ADAP2: variants seen among roughly 807,000 people sequenced by gnomAD.
ADAP2 encodes ArfGAP with dual PH domains 2.
Under a neutral mutation model 54.9 loss-of-function variants are expected in ADAP2, and 42 were observed. The observed-to-expected ratio is 0.77, with a 90% CI of 0.60 to 0.99. The LOEUF (loss-of-function observed/expected upper bound fraction) is 0.99, where lower values mean the gene tolerates loss of function less well. Among genes scored for constraint, ADAP2 ranks in the 50% least tolerant of loss-of-function variants. The probability of loss-of-function intolerance (pLI) is 0.00; values close to 1 mark genes in which losing one functional copy is unlikely to be tolerated. For missense variants in ADAP2, 429 were observed against 480.4 expected (o/e 0.89, Z 1.00); for synonymous variants, 177 against 180.1 (o/e 0.98, Z 0.14).
intron 5 of ADAP2, among the ~76,000 whole-genome samples, chr17:30,943,135 G>A (rs1912391586): frequency 1.3e-5 from 2 of 152,364 alleles, no homozygotes; most frequent in South Asian, 4.1e-4. Flanking sequence ...GAAGGCAGAG[G>A]CCGGCGGATC....
At chr17:30,945,894 C>T (rs957247733) in intron 6 of ADAP2, among the ~76,000 whole-genome samples, 2 of 151,296 alleles carry the variant, frequency 1.3e-5, no homozygotes, top group African/African-American at 4.9e-5. Flanking sequence ...TGGCTCACGC[C>T]TGTAATCCCA....
chr17:30,934,757 A>C (rs565191087), intron 5 of ADAP2, among the ~76,000 whole-genome samples: 68 of 152,332 alleles, frequency 4.5e-4, no homozygotes, highest in Admixed American at 1.3e-3. Flanking sequence ...GTGGCTGCGC[A>C]CAGTAGCTCA....
Position 30,926,899 on chromosome 17 carries a change from C to T in ADAP2, c.298C>T (p.Pro100Ser). The T allele has an allele frequency of 6.2e-7, 1 of 1,614,074 alleles. No individual in the cohort carries two copies. Among genetic ancestry groups the T allele is most frequent in the Non-Finnish European group, 8.5e-7 (1 of 1,179,938 alleles). ...CAGAGTCCCAGCTTTCTACTACATCCCCCAGGCCAACGACTGCCTGTGAGT... is the reference window on the plus strand; with the variant it reads ...CAGAGTCCCAGCTTTCTACTACATCTCCCAGGCCAACGACTGCCTGTGAGT... ...EARVPAFYYI[P>S]QANDCLVLKE... The change falls in exon 3 of 11, where the codon CCC becomes TCC. Residue 100 changes from proline (P) to serine (S), a missense_variant. Transcript: ENST00000330889.
chr17:30,928,520 T>C (rs925450555), intron 3 of ADAP2, among the ~76,000 whole-genome samples: 10 of 152,160 alleles, frequency 6.6e-5, no homozygotes, highest in African/African-American at 2.4e-4. Context: ...ATTATTGAGC[T>C]TTGCTTAAGT....
intron 5 of ADAP2, among the ~76,000 whole-genome samples, chr17:30,939,806 G>A (rs564780680): frequency 1.3e-5 from 2 of 149,858 alleles, no homozygotes; most frequent in African/African-American, 4.9e-5. Context: ...GGACAAATGA[G>A]ATTAAAATTA....
At chr17:30,956,641 A>C in intron 10 of ADAP2, 172 bp downstream of exon 10, 1 of 708,112 alleles carries the variant, frequency 1.4e-6, no homozygotes, top group Non-Finnish European at 2.3e-6. Context: ...ATTATTGCCA[A>C]AAGGTCTCCT....
intron 9 of ADAP2, among the ~76,000 whole-genome samples, chr17:30,955,113 A>AT (rs113617171): frequency 1.1e-3 from 155 of 145,342 alleles, no homozygotes; most frequent in Middle Eastern, 3.5e-3. Flanking sequence ...GGTATCACTT[A>AT]TTTTTTTTTT....
In ADAP2 at chr17:30,957,850, G is replaced by A. The variant is rs1598062852; in HGVS notation, c.1127G>A (p.Ser376Asn). 1 of 1,613,558 alleles carries A rather than the reference G, an allele frequency of 6.2e-7. No individual in the cohort carries two copies. Among genetic ancestry groups the A allele is most frequent in the Non-Finnish European group, 8.5e-7 (1 of 1,179,812 alleles). ...TCCCTTGCAGCTGCATCAACAGAGAGTGGCCGCAGCAGCAGGTGACCCATT... is the reference window on the plus strand; with the variant it reads ...TCCCTTGCAGCTGCATCAACAGAGAATGGCCGCAGCAGCAGGTGACCCATT... ...PLNRLTASTE[S>N]GRSSR Residue 376 changes from serine (S) to asparagine (N), a missense_variant, in exon 11 of 11, where the codon AGT becomes AAT. Ser to Asn is a conservative substitution (Grantham distance 46). Coordinates refer to ENST00000330889, the MANE Select transcript of ADAP2 (RefSeq NM_018404.3).
intron 4 of ADAP2, among the ~76,000 whole-genome samples, chr17:30,932,568 T>TTTCTTC (rs764920631): frequency 1.3e-5 from 2 of 150,896 alleles, no homozygotes; most frequent in Non-Finnish European, 3.0e-5. Flanking sequence ...TCTTTTTCTT[T>TTTCTTC]TTCTTCTTCT....
At chr17:30,948,571 A>G (rs1454052202) in intron 6 of ADAP2, among the ~76,000 whole-genome samples, 1 of 151,386 alleles carries the variant, frequency 6.6e-6, no homozygotes, top group East Asian at 1.9e-4. Flanking sequence ...GACTCCATCT[A>G]AAAAAAAATA....
At chr17:30,943,876 TAAATA>T (rs1452998517) in intron 5 of ADAP2, among the ~76,000 whole-genome samples, 1 of 145,456 alleles carries the variant, frequency 6.9e-6, no homozygotes, top group Non-Finnish European at 1.5e-5. Flanking sequence ...AATAAATAAA[TAAATA>T]AATAAATAAA....
Position 30,954,492 on chromosome 17 carries a change from C to G in ADAP2, c.819C>G (p.Phe273Leu). The change falls in exon 9 of 11, where the codon TTC (phenylalanine) becomes TTG (leucine). Residue 273 changes from phenylalanine (F) to leucine (L), a missense_variant. By Grantham distance (22) the Phe-to-Leu change is conservative. Transcript: ENST00000330889. ...EKTGPKQKEP[F>L]KKRWFALDCH... is the part of the protein sequence containing the mutation. ...CTCTTTTGCAGCAGAAAGAACCTTT[C>G]AAGAAAAGGTGGTTCGCCCTGGATT... 1 of 1,614,006 alleles carries G rather than the reference C, an allele frequency of 6.2e-7. No individual in the cohort carries two copies. The highest frequency in any genetic ancestry group is 1.7e-5 in the Admixed American group (1 of 60,008).
At chr17:30,955,346 G>T (rs1904987284) in intron 9 of ADAP2, among the ~76,000 whole-genome samples, 1 of 152,046 alleles carries the variant, frequency 6.6e-6, no homozygotes, top group African/African-American at 2.4e-5. Context: ...GGGAGGCTGA[G>T]ACAGGAGGAT....
chr17:30,945,079 C>T (rs745405672), intron 6 of ADAP2, 26 bp downstream of exon 6: 30 of 1,611,534 alleles, frequency 1.9e-5, no homozygotes, highest in Middle Eastern at 1.7e-4. Context: ...TTGCCACCTC[C>T]GCCTCCAGCT....
chr17:30,954,024 G>A (rs1429901156), intron 8 of ADAP2, among the ~76,000 whole-genome samples: 1 of 152,102 alleles, frequency 6.6e-6, no homozygotes, highest in Admixed American at 6.5e-5. Context: ...TTGGGCAGGT[G>A]GAAAAAGCAG....
chr17:30,949,748 C>CAA lies in ADAP2; in HGVS notation c.741+398_741+399dup, dbSNP rs34131343. Among the ~76,000 whole-genome samples, 538 of 61,640 alleles carry CAA rather than the reference C, an allele frequency of 8.7e-3. 14 individuals carry two copies. The highest frequency in any genetic ancestry group is 0.024 in the African/African-American group (493 of 20,912). 40.4% of individuals were successfully genotyped at this position (61,640 alleles called of 152,430 possible). The stretch of plus-strand genomic sequence containing the variant: ...TGGGTGACAGAGTGAGACTCCGTCT[C>CAA]AAAAAAAAAAAAAAAAAAAAAGAAG... On this transcript the variant is annotated intron_variant, in intron 7 of 10. Coordinates refer to ENST00000330889, the MANE Select transcript of ADAP2 (RefSeq NM_018404.3).
chr17:30,929,733 G>A (rs1911335707), intron 3 of ADAP2, among the ~76,000 whole-genome samples: 1 of 152,098 alleles, frequency 6.6e-6, no homozygotes, highest in Non-Finnish European at 1.5e-5. Flanking sequence ...GTTTCACTCT[G>A]TTGCCCAGGC....
chr17:30,922,992 C>A lies in ADAP2; in HGVS notation c.147C>A (p.Cys49Ter). The A allele has an allele frequency of 6.2e-7, 1 of 1,614,014 alleles. No homozygotes were observed. The highest frequency in any genetic ancestry group is 8.5e-7 in the Non-Finnish European group (1 of 1,179,960). Residue 49 changes from cysteine to a stop codon, truncating the protein, a stop_gained, in exon 2 of 11, where the codon TGC becomes TGA. Coordinates refer to ENST00000330889, the MANE Select transcript of ADAP2 (RefSeq NM_018404.3). LOFTEE classifies it high-confidence loss of function. ...KLGIFICLNC[C>*]GVHRNFPDIS... is the part of the protein sequence containing the mutation. The stretch of plus-strand genomic sequence containing the variant: ...GGATCTTCATCTGTCTCAACTGCTG[C>A]GGCGTCCACCGTAACTTCCCTGACA...
chr17:30,949,869 G>A (rs1165583127), intron 7 of ADAP2, among the ~76,000 whole-genome samples: 4 of 152,158 alleles, frequency 2.6e-5, no homozygotes, highest in Non-Finnish European at 4.4e-5. Flanking sequence ...GGGAGCCTGC[G>A]GGGGTTACAG....
Sources: allele counts gnomAD v4.1 joint callset (sites outside exome capture counted in the v4.1 genomes callset), GRCh38; gene constraint gnomAD v4.1.1; transcripts MANE v1.5; gene names NCBI Gene and HGNC (gene_info 2026-07-23, HGNC 2026-07-21).